SEMA3E: variants seen among roughly 807,000 people sequenced by gnomAD.
SEMA3E encodes the protein semaphorin-3E.
A neutral mutation model predicts 93.6 loss-of-function variants in SEMA3E; 49 were observed. The observed-to-expected ratio is 0.52, with a 90% CI of 0.42 to 0.66. The LOEUF (loss-of-function observed/expected upper bound fraction) is 0.66, where lower values mean the gene tolerates loss of function less well. Ranked by LOEUF, SEMA3E falls within the 30% of genes least tolerant of loss-of-function variation. The pLI is 0.00. For synonymous variants in SEMA3E, 363 were observed against 330.7 expected (o/e 1.10, Z -1.06); for missense variants, 906 against 964.8 (o/e 0.94, Z 0.81).
chr7:83,584,567 T>C (rs1303306583), intron 1 of SEMA3E, among the ~76,000 whole-genome samples: 1 of 152,146 alleles, frequency 6.6e-6, no homozygotes, highest in African/African-American at 2.4e-5. Context: ...CAGGAAGCAG[T>C]TGAAGCACCA....
intron 4 of SEMA3E, among the ~76,000 whole-genome samples, chr7:83,428,356 C>A (rs548641411): frequency 6.6e-6 from 1 of 152,228 alleles, no homozygotes; most frequent in Admixed American, 6.5e-5. Flanking sequence ...ACAAAACAAA[C>A]AATCATTTAT....
chr7:83,460,677 ATC>A (rs1789595598), intron 4 of SEMA3E, among the ~76,000 whole-genome samples: 4 of 95,400 alleles, frequency 4.2e-5, no homozygotes, highest in South Asian at 4.0e-4. Context: ...CTGCGCCCCA[ATC>A]CCTTATTTCT....
chr7:83,640,933 G>A (rs1793996929), intron 1 of SEMA3E, among the ~76,000 whole-genome samples: 1 of 151,526 alleles, frequency 6.6e-6, no homozygotes, highest in African/African-American at 2.4e-5. Context: ...AGGAGGAGGA[G>A]GAGAGGAAGA....
chr7:83,613,966 A>G (rs1300754279), intron 1 of SEMA3E, among the ~76,000 whole-genome samples: 1 of 152,138 alleles, frequency 6.6e-6, no homozygotes, highest in Non-Finnish European at 1.5e-5. Flanking sequence ...GCAGGAAAAT[A>G]AAATTTCAAA....
chr7:83,509,029 C>T lies in SEMA3E; in HGVS notation c.116-18755G>A, dbSNP rs112531445. Among the ~76,000 whole-genome samples, 660 of 152,222 alleles carry T rather than the reference C, an allele frequency of 4.3e-3. 8 individuals are homozygous for T. Among genetic ancestry groups the T allele is most frequent in the African/African-American group, 0.015 (638 of 41,550 alleles). On this transcript the variant is annotated intron_variant, in intron 1 of 16. Coordinates refer to ENST00000643230, the MANE Select transcript of SEMA3E (RefSeq NM_012431.3). ...ATTTGAAGGGGGAACATGTAAAGGG[C>T]CCCTTGAGCCCAATTATTTAATCCT...
chr7:83,469,108 A>G (rs1789836616), intron 3 of SEMA3E, 135 bp downstream of exon 3: 2 of 641,000 alleles, frequency 3.1e-6, no homozygotes, highest in South Asian at 3.5e-5. Flanking sequence ...TTATATGCCT[A>G]TATATTTTTT....
intron 1 of SEMA3E, among the ~76,000 whole-genome samples, chr7:83,560,767 G>A (rs769945983): frequency 3.2e-4 from 48 of 151,610 alleles, no homozygotes; most frequent in African/African-American, 9.0e-4. Flanking sequence ...TGTGATCTAG[G>A]TGCCAATGAA....
At chr7:83,604,391 T>TGAAA (rs1306396330) in intron 1 of SEMA3E, among the ~76,000 whole-genome samples, 4 of 151,398 alleles carry the variant, frequency 2.6e-5, no homozygotes, top group African/African-American at 9.6e-5. Context: ...ACACAGTTTT[T>TGAAA]TGAATTTGGT....
At chr7:83,444,627 C>T (rs1052371043) in intron 4 of SEMA3E, among the ~76,000 whole-genome samples, 1 of 151,332 alleles carries the variant, frequency 6.6e-6, no homozygotes, top group Non-Finnish European at 1.5e-5. Context: ...AAAAGAATTC[C>T]TGCAATCATC....
At chr7:83,460,496 C>T (rs1269718905) in intron 4 of SEMA3E, among the ~76,000 whole-genome samples, 1 of 152,096 alleles carries the variant, frequency 6.6e-6, no homozygotes, top group East Asian at 1.9e-4. Flanking sequence ...TGATTATTTA[C>T]CCACGTTTCA....
At chr7:83,449,333 G>A (rs1255977378) in intron 4 of SEMA3E, among the ~76,000 whole-genome samples, 1 of 151,900 alleles carries the variant, frequency 6.6e-6, no homozygotes, top group Non-Finnish European at 1.5e-5. Context: ...CTCCTGGGCT[G>A]AAGTAATCCT....
At chr7:83,439,581 C>A (rs1789070041) in intron 4 of SEMA3E, among the ~76,000 whole-genome samples, 1 of 152,182 alleles carries the variant, frequency 6.6e-6, no homozygotes, top group Non-Finnish European at 1.5e-5. Flanking sequence ...ATTTTCAAAG[C>A]TGATAACAAT....
At chr7:83,632,775 T>C (rs1793811852) in intron 1 of SEMA3E, among the ~76,000 whole-genome samples, 1 of 152,146 alleles carries the variant, frequency 6.6e-6, no homozygotes. Flanking sequence ...AAGACTAAAA[T>C]ATGGAAAATG....
At chr7:83,566,805 C>G (rs1353022387) in intron 1 of SEMA3E, among the ~76,000 whole-genome samples, 1 of 152,018 alleles carries the variant, frequency 6.6e-6, no homozygotes, top group Non-Finnish European at 1.5e-5. Context: ...AGAAAGGACT[C>G]AAATATTACC....
intron 14 of SEMA3E, among the ~76,000 whole-genome samples, chr7:83,388,681 G>T (rs1187536098): frequency 6.6e-6 from 1 of 151,960 alleles, no homozygotes; most frequent in South Asian, 2.1e-4. Context: ...AAGTGAACCA[G>T]ATTCAATTCC....
At chr7:83,549,271 C>A (rs1029862490) in intron 1 of SEMA3E, among the ~76,000 whole-genome samples, 5 of 152,080 alleles carry the variant, frequency 3.3e-5, no homozygotes, top group African/African-American at 1.2e-4. Context: ...CAAACTAGCA[C>A]TACTCTTATC....
At chr7:83,630,575 A>G (rs1047340441) in intron 1 of SEMA3E, among the ~76,000 whole-genome samples, 1 of 152,160 alleles carries the variant, frequency 6.6e-6, no homozygotes, top group Non-Finnish European at 1.5e-5. Flanking sequence ...ATCTTCTGAG[A>G]TCAGACATCC....
At chr7:83,512,672 T>G (rs967107822) in intron 1 of SEMA3E, among the ~76,000 whole-genome samples, 1 of 152,154 alleles carries the variant, frequency 6.6e-6, no homozygotes, top group Non-Finnish European at 1.5e-5. Context: ...TAAAGGCAAT[T>G]ATACTAAATC....
At chr7:83,601,094 T>C (rs773300252) in intron 1 of SEMA3E, among the ~76,000 whole-genome samples, 5 of 151,998 alleles carry the variant, frequency 3.3e-5, no homozygotes, top group Non-Finnish European at 7.4e-5. Flanking sequence ...GTCAGAATGG[T>C]GCAAGGAAGG....
Sources: gnomAD v4.1 joint callset for allele counts (sites outside exome capture counted in the v4.1 genomes callset) on GRCh38, gnomAD v4.1.1 for gene constraint, MANE v1.5 for transcripts, NCBI Gene and HGNC (gene_info 2026-07-23, HGNC 2026-07-21) for gene names.